Variants in PARD3B observed in about 807,000 individuals in gnomAD.
PARD3B encodes the protein par-3 family cell polarity regulator beta.
A neutral mutation model predicts 130.2 loss-of-function variants in PARD3B; 103 were observed. That is an observed-to-expected ratio of 0.79 (90% CI 0.67 to 0.93). The LOEUF (loss-of-function observed/expected upper bound fraction) is 0.93, where lower values mean the gene tolerates loss of function less well. Among genes scored for constraint, PARD3B ranks in the 40% least tolerant of loss-of-function variants. The pLI, the probability that PARD3B is intolerant of heterozygous loss-of-function variation, is 0.00. For synonymous variants in PARD3B, 583 were observed against 553.2 expected, an observed-to-expected ratio of 1.05 and a Z score of -0.76; for missense variants, 1,609 against 1,499.2, an observed-to-expected ratio of 1.07 and a Z score of -1.21.
At chr2:205,544,302 A>G (rs1045852553) in intron 21 of PARD3B, among the ~76,000 whole-genome samples, 3 of 150,232 alleles carry the variant, frequency 2.0e-5, no homozygotes, top group African/African-American at 7.4e-5. Flanking sequence ...GTATGAGTTT[A>G]CTTTTTAGCC....
intron 18 of PARD3B, among the ~76,000 whole-genome samples, chr2:205,358,661 C>T (rs1195421240): frequency 6.6e-6 from 1 of 152,170 alleles, no homozygotes; most frequent in Non-Finnish European, 1.5e-5. Context: ...TCAGATTTAA[C>T]CCTTCCTGAC....
chr2:204,697,454 A>G (rs756525207), intron 2 of PARD3B, among the ~76,000 whole-genome samples: 1 of 152,160 alleles, frequency 6.6e-6, no homozygotes, highest in South Asian at 2.1e-4. Context: ...TTTCAGCTGA[A>G]TATAATGAAC....
intron 1 of PARD3B, among the ~76,000 whole-genome samples, chr2:204,626,963 C>G (rs956261564): frequency 6.6e-6 from 1 of 152,114 alleles, no homozygotes; most frequent in African/African-American, 2.4e-5. Context: ...GTAATCCCCA[C>G]CTGTCAAGGG....
intron 2 of PARD3B, among the ~76,000 whole-genome samples, chr2:204,867,865 T>TA (rs1253864696): frequency 1.3e-5 from 2 of 152,230 alleles, no homozygotes; most frequent in African/African-American, 4.8e-5. Context: ...TAACTGTTGA[T>TA]ATGAGCCAAA....
intron 2 of PARD3B, among the ~76,000 whole-genome samples, chr2:204,737,342 A>G (rs1269147173): frequency 6.6e-6 from 1 of 152,146 alleles, no homozygotes; most frequent in East Asian, 1.9e-4. Context: ...CCTGATGGTT[A>G]GTGATGTTGA....
chr2:205,395,573 CA>C (rs2045998238), intron 18 of PARD3B, among the ~76,000 whole-genome samples: 1 of 152,120 alleles, frequency 6.6e-6, no homozygotes, highest in South Asian at 2.1e-4. Flanking sequence ...TGGAATTTCC[CA>C]AAGATATATT....
intron 21 of PARD3B, among the ~76,000 whole-genome samples, chr2:205,548,725 A>G (rs2052482425): frequency 6.6e-6 from 1 of 152,138 alleles, no homozygotes; most frequent in South Asian, 2.1e-4. Context: ...GATTTTTTTG[A>G]TATAAGACCA....
At chr2:205,022,223 A>G (rs973350561) in intron 3 of PARD3B, among the ~76,000 whole-genome samples, 3 of 152,194 alleles carry the variant, frequency 2.0e-5, no homozygotes, top group Non-Finnish European at 4.4e-5. Flanking sequence ...ATGTAATTCT[A>G]TTATGAATAC....
At position 204,787,231 on chromosome 2, in the gene PARD3B, G is replaced by A. The variant is rs145400578; in HGVS notation, c.222+100949G>A. On this transcript the variant is annotated intron_variant, in intron 2 of 22. Coordinates refer to ENST00000406610, the MANE Select transcript of PARD3B (RefSeq NM_001302769.2). ...GGCATGTTTGACTTGCTGCCCCAGG[G>A]CTACCTTGGCACTCATCCGTGAAAG... Among the ~76,000 whole-genome samples, 405 of 137,472 alleles carry A rather than the reference G, an allele frequency of 2.9e-3. 2 individuals are homozygous for A. The highest frequency in any genetic ancestry group is 8.6e-3 in the African/African-American group (301 of 34,868). 90.2% of individuals were successfully genotyped at this position (137,472 alleles called of 152,430 possible).
In PARD3B at chr2:205,366,151, A is replaced by G. The variant is rs778519061; in HGVS notation, c.2631-34862A>G. On this transcript the variant is annotated intron_variant, in intron 18 of 22. Coordinates refer to ENST00000406610, the MANE Select transcript of PARD3B (RefSeq NM_001302769.2). The surrounding 1 kb of genome is among the most constrained non-coding windows in gnomAD (Gnocchi z 5.0). ...TATGTTGGCTAGAGCTCTGTGGGTT[A>G]CTTTAAACCAATTTTTTTCTTTCCT... Among the ~76,000 whole-genome samples, 1 of 151,844 alleles carries G rather than the reference A, an allele frequency of 6.6e-6. No individual in the cohort carries two copies. Among genetic ancestry groups the G allele is most frequent in the Non-Finnish European group, 1.5e-5 (1 of 68,014 alleles).
intron 2 of PARD3B, among the ~76,000 whole-genome samples, chr2:204,859,776 C>T (rs2045108459): frequency 6.6e-6 from 1 of 152,084 alleles, no homozygotes; most frequent in African/African-American, 2.4e-5. Context: ...GAAAGAAAAG[C>T]CCTAGAGCAT....
In PARD3B at chr2:205,397,766, C is replaced by T. The variant is rs565949035; in HGVS notation, c.2631-3247C>T. Among the ~76,000 whole-genome samples, 1 of 152,208 alleles carries T rather than the reference C, an allele frequency of 6.6e-6. No individual in the cohort carries two copies. The highest frequency in any genetic ancestry group is 2.4e-5 in the African/African-American group (1 of 41,544). On this transcript the variant is annotated intron_variant, in intron 18 of 22. Transcript: ENST00000406610. This position sits in a 1 kb window ranked among gnomAD's most constrained non-coding sequence, Gnocchi z 4.8. ...ACTCCCCACCGTGTTGAATATTTTG[C>T]CCAAACATTACTATATTTAATGACA...
intron 3 of PARD3B, among the ~76,000 whole-genome samples, chr2:204,972,087 A>C (rs1691767313): frequency 6.6e-6 from 1 of 152,182 alleles, no homozygotes; most frequent in Non-Finnish European, 1.5e-5. Flanking sequence ...GTTAAAGAAT[A>C]AAGTCAATAC....
At position 204,864,614 on chromosome 2, in the gene PARD3B, C is replaced by T. The variant is rs923575452; in HGVS notation, c.223-100538C>T. Among the ~76,000 whole-genome samples, 8 of 152,324 alleles carry T rather than the reference C, an allele frequency of 5.3e-5. No homozygotes were observed. In the South Asian group the frequency reaches 8.3e-4, roughly 16 times the overall value. ...GTCTAATATTAAACATCACTTTCCT[C>T]TTTCTCCAATATAACAATGTTTTGT... On this transcript the variant is annotated intron_variant, in intron 2 of 22. Coordinates refer to ENST00000406610, the MANE Select transcript of PARD3B (RefSeq NM_001302769.2).
In PARD3B at chr2:205,287,365, G is replaced by C. The variant is rs893403592; in HGVS notation, c.2186-13165G>C. 2.0e-5 allele frequency among the ~76,000 whole-genome samples: 3 copies of C among 152,088 alleles called. No individual in the cohort carries two copies. Among genetic ancestry groups the C allele is most frequent in the Non-Finnish European group, 4.4e-5 (3 of 68,016 alleles). ...CACAAAGAAATGTAGCTGCACCCAGGGTCTCCATGTCAGCAGTACTCTCTC... is the reference window on the plus strand; with the variant it reads ...CACAAAGAAATGTAGCTGCACCCAGCGTCTCCATGTCAGCAGTACTCTCTC... On this transcript the variant is annotated intron_variant, in intron 16 of 22. Coordinates refer to ENST00000406610, the MANE Select transcript of PARD3B (RefSeq NM_001302769.2). The surrounding 1 kb of genome is among the most constrained non-coding windows in gnomAD (Gnocchi z 4.8).
chr2:204,870,789 T>A (rs1430630951), intron 2 of PARD3B, among the ~76,000 whole-genome samples: 4 of 152,164 alleles, frequency 2.6e-5, no homozygotes, highest in Admixed American at 6.6e-5. Flanking sequence ...TTCCTTTGTG[T>A]CTTTTGAATA....
At chr2:205,385,258 C>A (rs958681610) in intron 18 of PARD3B, among the ~76,000 whole-genome samples, 10 of 152,044 alleles carry the variant, frequency 6.6e-5, no homozygotes, top group Non-Finnish European at 1.0e-4. Flanking sequence ...ACACCACATG[C>A]CTTTCTTTCC....
intron 2 of PARD3B, among the ~76,000 whole-genome samples, chr2:204,837,776 T>A (rs1247346005): frequency 1.3e-5 from 2 of 152,206 alleles, no homozygotes; most frequent in Non-Finnish European, 2.9e-5. Context: ...TTTCCGCCTC[T>A]CTGTAATTTC....
rs1491170924 is a variant in PARD3B at position 205,380,152 on chromosome 2, T to TATATAAAGAATATA, written c.2631-20860_2631-20847dup. Among the ~76,000 whole-genome samples, 601 of 119,624 alleles carry TATATAAAGAATATA rather than the reference T, an allele frequency of 5.0e-3. 9 individuals carry two copies. The highest frequency in any genetic ancestry group is 7.8e-3 in the Admixed American group (65 of 8,354). The allele number at this position is 119,624 out of a possible 152,430, so 78.5% of individuals were successfully genotyped here. ...TATATATTATATAAAGAATATATAT[T>TATATAAAGAATATA]ATATAAAGAATATATATTATATAAT... On this transcript the variant is annotated intron_variant, in intron 18 of 22. Transcript: ENST00000406610.
Sources: allele counts gnomAD v4.1 joint callset (sites outside exome capture counted in the v4.1 genomes callset), GRCh38; gene constraint gnomAD v4.1.1; non-coding constraint Gnocchi (gnomAD v3.1); transcripts MANE v1.5; gene names NCBI Gene and HGNC (gene_info 2026-07-23, HGNC 2026-07-21).